Variants in SLC14A2 observed in about 807,000 individuals in gnomAD.
The protein encoded by SLC14A2 is urea transporter 2.
Under a neutral mutation model 104.6 loss-of-function variants are expected in SLC14A2, and 91 were observed. The observed-to-expected ratio is 0.87, with a 90% confidence interval of 0.73 to 1.04. The LOEUF (loss-of-function observed/expected upper bound fraction) is 1.04. SLC14A2 is among the 50% of genes least tolerant of loss of function. SLC14A2 has a pLI of 0.00. For missense variants in SLC14A2, 1,189 were observed against 1,156.0 expected (o/e 1.03, Z -0.41); for synonymous variants, 476 against 466.4 (o/e 1.02, Z -0.27).
chr18:45,320,818 AG>A (rs1262896963), intron 1 of SLC14A2, among the ~76,000 whole-genome samples: 35 of 152,246 alleles, frequency 2.3e-4, no homozygotes, highest in African/African-American at 8.2e-4. Flanking sequence ...TTCAGTGGTC[AG>A]GATACATCGC....
In SLC14A2 at chr18:45,271,248, C is replaced by T. The variant is rs565842520; in HGVS notation, c.-125+58057C>T. Among the ~76,000 whole-genome samples the T allele has an allele frequency of 2.6e-5, 4 of 152,288 alleles. No individual in the cohort carries two copies. The East Asian group carries it at 5.8e-4, about 22-fold the overall frequency. Reference sequence around the variant, plus strand: ...TCAGCTCTTCCCCAAAGGAAATGCCCTCTGTTGTGTAGACATCTTAGTGGC... The same window carrying T: ...TCAGCTCTTCCCCAAAGGAAATGCCTTCTGTTGTGTAGACATCTTAGTGGC... On this transcript the variant is annotated intron_variant, in intron 1 of 20. Coordinates refer to the SLC14A2 transcript ENST00000586448.
chr18:45,437,226 T>C (rs1486706120), intron 1 of SLC14A2, among the ~76,000 whole-genome samples: 1 of 152,210 alleles, frequency 6.6e-6, no homozygotes, highest in Non-Finnish European at 1.5e-5. Context: ...CTCCCAAATC[T>C]GTAAAAAGCT....
chr18:45,648,879 C>T (rs1306359319), intron 10 of SLC14A2, among the ~76,000 whole-genome samples: 2 of 152,140 alleles, frequency 1.3e-5, no homozygotes, highest in African/African-American at 4.8e-5. Context: ...GGAAGGTCCA[C>T]TGTTGTTTTA....
intron 1 of SLC14A2, among the ~76,000 whole-genome samples, chr18:45,241,248 G>A (rs1013485661): frequency 6.6e-6 from 1 of 152,204 alleles, no homozygotes; most frequent in Non-Finnish European, 1.5e-5. Flanking sequence ...TGAAGAATCA[G>A]GAAGCCACTG....
At chr18:45,379,078 A>C (rs1196118103) in intron 1 of SLC14A2, among the ~76,000 whole-genome samples, 3 of 152,188 alleles carry the variant, frequency 2.0e-5, no homozygotes, top group Non-Finnish European at 4.4e-5. Flanking sequence ...ACTTTTACCC[A>C]AACCCGAACA....
chr18:45,421,184 T>C (rs1046983517), intron 1 of SLC14A2, among the ~76,000 whole-genome samples: 1 of 152,158 alleles, frequency 6.6e-6, no homozygotes, highest in African/African-American at 2.4e-5. Context: ...ATGAGCTATC[T>C]ACGTGCAGAA....
intron 1 of SLC14A2, among the ~76,000 whole-genome samples, chr18:45,301,875 T>C (rs2084972091): frequency 6.6e-6 from 1 of 152,212 alleles, no homozygotes. Context: ...ATTCTCACCA[T>C]CATGCTTTTA....
intron 2 of SLC14A2, among the ~76,000 whole-genome samples, chr18:45,530,936 G>A (rs1029813735): frequency 4.0e-4 from 61 of 152,088 alleles, no homozygotes; most frequent in African/African-American, 1.4e-3. Flanking sequence ...ACCTATGAGT[G>A]AGAACATGCG....
intron 1 of SLC14A2, among the ~76,000 whole-genome samples, chr18:45,237,907 T>C (rs2084272280): frequency 6.6e-6 from 1 of 152,230 alleles, no homozygotes; most frequent in Non-Finnish European, 1.5e-5. Context: ...TTTAGTTCTT[T>C]TCCCTTGAAG....
chr18:45,637,931 C>T (rs1195906566), intron 6 of SLC14A2, among the ~76,000 whole-genome samples: 2 of 152,180 alleles, frequency 1.3e-5, no homozygotes, highest in Non-Finnish European at 2.9e-5. Context: ...CTGGGAGCAG[C>T]GTGCTGGGAG....
chr18:45,574,923 C>T (rs1161381770), intron 2 of SLC14A2, among the ~76,000 whole-genome samples: 1 of 152,208 alleles, frequency 6.6e-6, no homozygotes, highest in African/African-American at 2.4e-5. Flanking sequence ...TAAATAGCCA[C>T]CACTTGGCCT....
In SLC14A2 at chr18:45,602,160, C is replaced by T. The variant is rs2044800111; in HGVS notation, c.-34-22471C>T. 2.0e-5 allele frequency among the ~76,000 whole-genome samples: 3 copies of T among 152,174 alleles called. No homozygotes were observed. In the South Asian group the frequency reaches 6.2e-4, roughly 32 times the overall value. On this transcript the variant is annotated intron_variant, in intron 2 of 20. Transcript: ENST00000586448. ...ATCAAAAGGCCATGGATGAGCCATA[C>T]AATGGTAAATAGATATGAACATTAA...
chr18:45,437,114 G>C (rs1476904227), intron 1 of SLC14A2, among the ~76,000 whole-genome samples: 3 of 152,190 alleles, frequency 2.0e-5, no homozygotes, highest in Non-Finnish European at 4.4e-5. Flanking sequence ...ATGGACGCAC[G>C]CATGAGTGCG....
chr18:45,343,418 T>G (rs1262105199), intron 1 of SLC14A2, among the ~76,000 whole-genome samples: 1 of 151,962 alleles, frequency 6.6e-6, no homozygotes, highest in Admixed American at 6.6e-5. Context: ...CCCATGACAG[T>G]CTCTTTCTCT....
chr18:45,634,684 G>C lies in SLC14A2; in HGVS notation c.650+2206G>C, dbSNP rs149874117. 50 of 377,914 alleles carry C rather than the reference G, an allele frequency of 1.3e-4. No homozygotes were observed. In the East Asian group the frequency reaches 2.8e-3, roughly 21 times the overall value. The allele number at this position is 377,914 out of a possible 1,614,324, so 23.4% of individuals were successfully genotyped here. ...GGAGGGGAGGGCAGGTACTCGATGA[G>C]AGTCAGACCAGGTACACCCTGTAGA... On this transcript the variant is annotated intron_variant, in intron 5 of 19. Transcript: ENST00000255226.
intron 1 of SLC14A2, among the ~76,000 whole-genome samples, chr18:45,330,111 G>T (rs1350467582): frequency 6.6e-6 from 1 of 152,094 alleles, no homozygotes; most frequent in Non-Finnish European, 1.5e-5. Flanking sequence ...ACTGAAGGAG[G>T]GTCTGAACCT....
intron 1 of SLC14A2, among the ~76,000 whole-genome samples, chr18:45,317,255 T>C (rs1429119982): frequency 2.0e-5 from 3 of 152,276 alleles, no homozygotes; most frequent in East Asian, 1.9e-4. Flanking sequence ...TAGAAATAGA[T>C]AGTGAAGACA....
intron 2 of SLC14A2, among the ~76,000 whole-genome samples, chr18:45,585,242 C>G (rs572757597): frequency 6.6e-6 from 1 of 152,232 alleles, no homozygotes; most frequent in South Asian, 2.1e-4. Context: ...TGAGGTGTTC[C>G]CTGACTGCTC....
At chr18:45,475,168 T>C (rs141020138) in intron 1 of SLC14A2, among the ~76,000 whole-genome samples, 1 of 152,336 alleles carries the variant, frequency 6.6e-6, no homozygotes, top group East Asian at 1.9e-4. Context: ...GTTGTTCAGT[T>C]TCCACATAGT....
Sources: allele counts gnomAD v4.1 joint callset (sites outside exome capture counted in the v4.1 genomes callset), GRCh38; gene constraint gnomAD v4.1.1; transcripts MANE v1.5; gene names NCBI Gene and HGNC (gene_info 2026-07-23, HGNC 2026-07-21).